Variants in CFAP70 observed in about 807,000 individuals in gnomAD.
CFAP70 encodes cilia and flagella associated protein 70.
Under a neutral mutation model 137.6 loss-of-function variants are expected in CFAP70, and 81 were observed. The observed-to-expected ratio is 0.59, with a 90% CI of 0.49 to 0.71. CFAP70 has a LOEUF of 0.71. Ranked by LOEUF, CFAP70 falls within the 30% of genes least tolerant of loss-of-function variation. The pLI is 0.00. For synonymous variants in CFAP70, 382 were observed against 423.6 expected (o/e 0.90, Z 1.20); for missense variants, 976 against 1,226.7 (o/e 0.80, Z 3.05).
At chr10:73,269,574 T>C in intron 25 of CFAP70, 40 bp downstream of exon 26, 1 of 1,467,620 alleles carries the variant, frequency 6.8e-7, no homozygotes, top group Middle Eastern at 1.7e-4. Flanking sequence ...CTCACCTCTG[T>C]GCCCTAAAAG....
At chr10:73,281,274 T>C (rs1394235122) in intron 19 of CFAP70, among the ~76,000 whole-genome samples, 1 of 151,316 alleles carries the variant, frequency 6.6e-6, no homozygotes, top group Non-Finnish European at 1.5e-5. Flanking sequence ...AGCCTCAACC[T>C]CCCAGGCTCA....
chr10:73,340,849 GT>G (rs1463556139), intron 6 of CFAP70, among the ~76,000 whole-genome samples: 1 of 152,246 alleles, frequency 6.6e-6, no homozygotes, highest in Admixed American at 6.5e-5. Flanking sequence ...TTCCAAGCCT[GT>G]GGGGGCAGGA....
chr10:73,306,981 C>CT (rs59582341), intron 12 of CFAP70, among the ~76,000 whole-genome samples: 16,055 of 151,844 alleles, frequency 0.11, 1,229 homozygotes, highest in East Asian at 0.31. Flanking sequence ...TTTCTCTCCT[C>CT]TTTTTTTTGA....
intron 24 of CFAP70, among the ~76,000 whole-genome samples, chr10:73,271,744 G>C (rs758369235): frequency 6.6e-6 from 1 of 152,032 alleles, no homozygotes; most frequent in Non-Finnish European, 1.5e-5. Context: ...ACCCAGCCTG[G>C]AGTGCAGTGG....
At chr10:73,274,838 G>A (rs750279301) in intron 22 of CFAP70, 216 of 463,102 alleles carry the variant, frequency 4.7e-4, no homozygotes, top group Middle Eastern at 2.2e-3. Flanking sequence ...TTTGGGTGTG[G>A]AGTAAATATT....
chr10:73,288,356 G>T (rs1334118663), intron 19 of CFAP70, among the ~76,000 whole-genome samples: 1 of 152,132 alleles, frequency 6.6e-6, no homozygotes, highest in Non-Finnish European at 1.5e-5. Context: ...TACAGAAAGT[G>T]GCTCAGCAGA....
At chr10:73,289,494 CAGGAT>C (rs1192194205) in intron 19 of CFAP70, among the ~76,000 whole-genome samples, 1 of 151,806 alleles carries the variant, frequency 6.6e-6, no homozygotes, top group East Asian at 2.0e-4. Flanking sequence ...CCATGTTAGC[CAGGAT>C]GGTCTCGATC....
chr10:73,303,094 G>A (rs1479089335), intron 12 of CFAP70, among the ~76,000 whole-genome samples: 1 of 151,866 alleles, frequency 6.6e-6, no homozygotes, highest in African/African-American at 2.4e-5. Flanking sequence ...ATGAGGTCTT[G>A]CTATGTTGCC....
chr10:73,328,681 A>C (rs1398285721), intron 8 of CFAP70, among the ~76,000 whole-genome samples: 3 of 144,330 alleles, frequency 2.1e-5, no homozygotes, highest in Non-Finnish European at 3.0e-5. Context: ...TGGGCGAAGG[A>C]CATGAACAGA....
At position 73,309,658 on chromosome 10, in the gene CFAP70, AT is replaced by A. The variant is rs60294953; in HGVS notation, c.1256+499del. Among the ~76,000 whole-genome samples, 536 of 135,958 alleles carry A rather than the reference AT, an allele frequency of 3.9e-3. 1 individual carries two copies. The highest frequency in any genetic ancestry group is 3.7e-3 in the Admixed American group (50 of 13,444). The allele number at this position is 135,958 out of a possible 152,430, so 89.2% of individuals were successfully genotyped here. A position where few individuals can be genotyped will look rare whatever the true frequency, so the allele number is the denominator to read the frequency against. ...TCTTGTTCATCCGTATTTCCTAAGA[AT>A]TTTTTTTTTTTTTTAGAGATAGAGT... On this transcript the variant is annotated intron_variant, in intron 12 of 26. Coordinates refer to ENST00000310715, the Ensembl canonical transcript of CFAP70.
intron 9 of CFAP70, among the ~76,000 whole-genome samples, chr10:73,317,974 C>T (rs537612883): frequency 6.6e-6 from 1 of 152,250 alleles, no homozygotes; most frequent in South Asian, 2.1e-4. Context: ...TGGCACCGCT[C>T]TCCTCTCTTT....
chr10:73,351,011 G>GTGTGTATATGCGTGTA (rs1564889233), intron 3 of CFAP70, among the ~76,000 whole-genome samples: 5 of 144,820 alleles, frequency 3.5e-5, no homozygotes, highest in African/African-American at 1.3e-4. Flanking sequence ...ATGTGTGTAT[G>GTGTGTATATGCGTGTA]TGTGTGTATA....
intron 19 of CFAP70, among the ~76,000 whole-genome samples, chr10:73,287,675 A>C (rs2047840255): frequency 6.6e-6 from 1 of 152,190 alleles, no homozygotes; most frequent in African/African-American, 2.4e-5. Flanking sequence ...CACAGAATCC[A>C]AGAAATGATG....
exon 6 of CFAP70, chr10:73,341,489 G>A: frequency 1.9e-6 from 3 of 1,614,164 alleles, no homozygotes; most frequent in Non-Finnish European, 2.5e-6. Context: ...GAGCCAGAAT[G>A]TTGGCAATTG....
At chr10:73,280,106 T>C (rs2047152527) in intron 19 of CFAP70, among the ~76,000 whole-genome samples, 1 of 152,148 alleles carries the variant, frequency 6.6e-6, no homozygotes, top group African/African-American at 2.4e-5. Context: ...GTGAAACTGA[T>C]CTTACAACCC....
In CFAP70 at chr10:73,330,006, T is replaced by G. The variant is rs2051911656; in HGVS notation, c.777+1171A>C. Among the ~76,000 whole-genome samples the G allele has an allele frequency of 2.6e-5, 4 of 152,214 alleles. No homozygotes were observed. In the South Asian group the frequency reaches 8.3e-4, roughly 31 times the overall value. ...GAAGAACATGTTAATAAATATATTT[T>G]AACAGCGTTTTAAATGGTTGTATGG... On this transcript the variant is annotated intron_variant, in intron 8 of 26. Coordinates refer to ENST00000310715, the Ensembl canonical transcript of CFAP70.
chr10:73,264,034 T>G (rs367734028), intron 25 of CFAP70, among the ~76,000 whole-genome samples: 6 of 152,346 alleles, frequency 3.9e-5, no homozygotes, highest in African/African-American at 1.2e-4. Flanking sequence ...GCTCAAATTA[T>G]CCTTGTTTTA....
At chr10:73,329,179 T>C (rs1463743746) in intron 8 of CFAP70, among the ~76,000 whole-genome samples, 1 of 152,222 alleles carries the variant, frequency 6.6e-6, no homozygotes, top group African/African-American at 2.4e-5. Flanking sequence ...GATGAGTTCA[T>C]GTCCTTTGTA....
chr10:73,297,281 C>T (rs763702512), intron 14 of CFAP70, 108 bp from the exon 16 acceptor site: 13 of 1,168,382 alleles, frequency 1.1e-5, no homozygotes, highest in East Asian at 5.2e-5. Flanking sequence ...TTTCAGAAAG[C>T]GATTGATTTC....
Sources: allele counts gnomAD v4.1 joint callset (sites outside exome capture counted in the v4.1 genomes callset), GRCh38; gene constraint gnomAD v4.1.1; transcripts MANE v1.5; gene names NCBI Gene and HGNC (gene_info 2026-07-23, HGNC 2026-07-21).